Variants in SP110 observed in about 807,000 individuals in gnomAD.
SP110 encodes SP110 nuclear body protein, also known as interferon-induced protein 41, 30kD.
A neutral mutation model predicts 92.7 loss-of-function variants in SP110; 62 were observed. The ratio of observed to expected loss-of-function variants is 0.67; its 90% confidence interval spans 0.55 to 0.83. SP110 has a LOEUF of 0.83. Ranked by LOEUF, SP110 falls within the 40% of genes least tolerant of loss-of-function variation. The pLI is 0.00. For synonymous variants in SP110, 273 were observed against 305.3 expected (o/e 0.89, Z 1.10); for missense variants, 793 against 863.9 (o/e 0.92, Z 1.03).
Position 230,176,535 on chromosome 2 carries a change from C to A in SP110, c.1590+1003G>T. 1.9e-6 allele frequency: 3 copies of A among 1,587,206 alleles called. 1 individual carries two copies. The South Asian group carries it at 3.4e-5, about 18-fold the overall frequency. Reference sequence around the variant, plus strand: ...GCTTCCCCATCCCAAATTAACTATGCAAATTAATTGTTTTGAAGATGCCAT... The same window carrying A: ...GCTTCCCCATCCCAAATTAACTATGAAAATTAATTGTTTTGAAGATGCCAT... On this transcript the variant is annotated intron_variant, in intron 14 of 18. Coordinates refer to ENST00000258381, the MANE Select transcript of SP110 (RefSeq NM_080424.4).
chr2:230,214,076 T>C (rs1351338779), intron 3 of SP110: 1 of 152,164 alleles, frequency 6.6e-6, no homozygotes, highest in Non-Finnish European at 1.5e-5. Context: ...TGTTCTGAGG[T>C]AAGTGAACAT....
intron 2 of SP110, 42 bp from the exon 3 acceptor site, chr2:230,215,160 T>C: frequency 6.8e-7 from 1 of 1,478,032 alleles, no homozygotes; most frequent in Non-Finnish European, 9.5e-7. Context: ...GACTATAAAA[T>C]TGAATGGGAA....
chr2:230,214,860 A>C (rs1204599210), intron 3 of SP110, 90 bp downstream of exon 3: 1 of 1,055,200 alleles, frequency 9.5e-7, no homozygotes, highest in Non-Finnish European at 1.5e-6. Flanking sequence ...GCGGGGGATT[A>C]ACGTGCATAT....
Position 230,166,544 on chromosome 2 carries a change from G to C in SP110, c.*2580C>G, listed in dbSNP as rs1048951842. ...TGCAATGGTATATTAAATACCCTCT[G>C]CAATGGTACATTAAATACCCTCTGC... On this transcript the variant is annotated 3_prime_UTR_variant, in exon 19 of 19. Coordinates refer to ENST00000258381, the MANE Select transcript of SP110 (RefSeq NM_080424.4). 6.6e-6 allele frequency among the ~76,000 whole-genome samples: 1 copy of C among 151,452 alleles called. No homozygotes were observed. The highest frequency in any genetic ancestry group is 2.4e-5 in the African/African-American group (1 of 41,218).
rs11675451 is a variant in SP110 at position 230,211,199 on chromosome 2, C to T, written c.751+271G>A. ...CATTTGGAGTCCAAACCTACAGGCA[C>T]TGGTGGGGCTCTGTCCATCATCATC... On this transcript the variant is annotated intron_variant, in intron 6 of 18. Transcript: ENST00000258381. This position sits in a 1 kb window ranked among gnomAD's most constrained non-coding sequence, Gnocchi z 4.2. Among the ~76,000 whole-genome samples the T allele has an allele frequency of 1.3e-5, 2 of 152,184 alleles. No homozygotes were observed. Among genetic ancestry groups the T allele is most frequent in the African/African-American group, 4.8e-5 (2 of 41,448 alleles).
At chr2:230,214,771 T>C (rs2044917159) in intron 3 of SP110, among the ~76,000 whole-genome samples, 179 bp downstream of exon 3, 1 of 152,092 alleles carries the variant, frequency 6.6e-6, no homozygotes, top group Non-Finnish European at 1.5e-5. Flanking sequence ...TCTTAGAGAG[T>C]TGGGATCAGC....
At chr2:230,191,108 A>G (rs1389695143) in intron 10 of SP110, among the ~76,000 whole-genome samples, 1 of 152,212 alleles carries the variant, frequency 6.6e-6, no homozygotes, top group Non-Finnish European at 1.5e-5. Context: ...TGTAGAGACA[A>G]TATACCAGAA....
rs148184557 is a variant in SP110, at chr2:230,185,215, G to A, written c.1279+779C>T. On this transcript the variant is annotated intron_variant, in intron 11 of 18. Transcript: ENST00000258381. ...GGGCAGAGAGAAAGAAGACAAAGGG[G>A]CTCTTAAAGCCTTGGCCTGAAAGTG... 9.3e-4 allele frequency among the ~76,000 whole-genome samples: 141 copies of A among 152,312 alleles called. 3 individuals carry two copies. In the East Asian group the frequency reaches 0.025, roughly 27 times the overall value.
Position 230,185,989 on chromosome 2 carries a change from C to T in SP110, c.1279+5G>A. ...TCAAATAGCAGATTCCATCATTAGCCTTACCTTTCAATCTGGACTTTCGGG... is the reference window on the plus strand; with the variant it reads ...TCAAATAGCAGATTCCATCATTAGCTTTACCTTTCAATCTGGACTTTCGGG... On this transcript the variant is annotated splice_donor_5th_base_variant and intron_variant, in intron 11 of 18. Transcript: ENST00000258381. The T allele has an allele frequency of 6.2e-7, 1 of 1,613,788 alleles. No individual in the cohort carries two copies. Among genetic ancestry groups the T allele is most frequent in the Non-Finnish European group, 8.5e-7 (1 of 1,179,682 alleles).
intron 16 of SP110, 47 bp downstream of exon 16, chr2:230,172,019 C>A: frequency 8.5e-7 from 1 of 1,170,860 alleles, no homozygotes; most frequent in East Asian, 2.3e-5. Context: ...TTGTGCTTCT[C>A]GTGTGAGAAG....
intron 10 of SP110, among the ~76,000 whole-genome samples, chr2:230,188,528 A>G (rs1023262119): frequency 6.6e-6 from 1 of 152,138 alleles, no homozygotes; most frequent in Non-Finnish European, 1.5e-5. Flanking sequence ...ACTATGTTGA[A>G]TAGAAGTGGT....
At chr2:230,196,882 T>C (rs2042902530) in intron 10 of SP110, among the ~76,000 whole-genome samples, 1 of 152,234 alleles carries the variant, frequency 6.6e-6, no homozygotes, top group African/African-American at 2.4e-5. Flanking sequence ...TCATCATTTT[T>C]TATGGCTGCA....
upstream of SP110, chr2:230,221,916 G>T (rs58102716): frequency 8.5e-3 from 5,034 of 592,430 alleles, 191 homozygotes; most frequent in African/African-American, 0.085. Flanking sequence ...GAGGATGAAA[G>T]ATGTTTATTC....
chr2:230,185,645 C>T (rs541455936), intron 11 of SP110, among the ~76,000 whole-genome samples: 2 of 152,282 alleles, frequency 1.3e-5, no homozygotes, highest in South Asian at 4.1e-4. Flanking sequence ...CAAATGTGTC[C>T]ACTTTGAGGA....
intron 14 of SP110, among the ~76,000 whole-genome samples, chr2:230,175,100 C>T (rs1303033974): frequency 6.6e-6 from 1 of 151,864 alleles, no homozygotes; most frequent in African/African-American, 2.4e-5. Flanking sequence ...TCCAATTGTA[C>T]ATAAAGGTAT....
chr2:230,194,035 G>A lies in SP110; in HGVS notation c.1129+6850C>T, dbSNP rs192335069. Among the ~76,000 whole-genome samples the A allele has an allele frequency of 3.3e-3, 500 of 152,262 alleles. 3 individuals are homozygous for A. The highest frequency in any genetic ancestry group is 0.012 in the African/African-American group (478 of 41,556). On this transcript the variant is annotated intron_variant, in intron 10 of 18. Transcript: ENST00000258381. Reference sequence around the variant, plus strand: ...TCCTCCAGCCTAGGGAGGCAGTGGGGTGGGGAACTAGGAAGAAGAGGCCAG... The same window carrying A: ...TCCTCCAGCCTAGGGAGGCAGTGGGATGGGGAACTAGGAAGAAGAGGCCAG...
chr2:230,187,944 C>CT (rs1389919877), intron 10 of SP110, among the ~76,000 whole-genome samples: 25 of 152,042 alleles, frequency 1.6e-4, no homozygotes, highest in African/African-American at 5.1e-4. Flanking sequence ...CAGATTTGTT[C>CT]TTTTTGCTTA....
chr2:230,197,637 G>T (rs1430892049), intron 10 of SP110, among the ~76,000 whole-genome samples: 1 of 151,998 alleles, frequency 6.6e-6, no homozygotes, highest in East Asian at 1.9e-4. Flanking sequence ...ATCCTGAATG[G>T]TATTGCTTAG....
chr2:230,222,587 G>A (rs956715082), upstream of SP110, among the ~76,000 whole-genome samples: 2 of 151,900 alleles, frequency 1.3e-5, no homozygotes, highest in Admixed American at 6.5e-5. Flanking sequence ...AATTGGGCAT[G>A]TTGGCATACA....
Sources: gnomAD v4.1 joint callset for allele counts (sites outside exome capture counted in the v4.1 genomes callset) on GRCh38, gnomAD v4.1.1 for gene constraint, Gnocchi (gnomAD v3.1) non-coding constraint, MANE v1.5 for transcripts, NCBI Gene and HGNC (gene_info 2026-07-23, HGNC 2026-07-21) for gene names.